Variants in PPP6R3 observed in about 807,000 individuals in gnomAD.
PPP6R3 encodes the protein protein phosphatase 6 regulatory subunit 3.
In PPP6R3, 38 loss-of-function variants were observed where a neutral mutation model predicts 110.7. The ratio of observed to expected loss-of-function variants is 0.34; its 90% CI spans 0.26 to 0.45. The LOEUF is 0.45. Ranked by LOEUF, PPP6R3 falls within the 20% of genes least tolerant of loss-of-function variation. PPP6R3 has a pLI of 1.00. For synonymous variants in PPP6R3, 369 were observed against 373.5 expected, an observed-to-expected ratio of 0.99 and a Z score of 0.14; for missense variants, 870 against 1,062.4, an observed-to-expected ratio of 0.82 and a Z score of 2.52.
intron 6 of PPP6R3, 72 bp from the exon 7 acceptor site, chr11:68,554,073 C>A: frequency 8.6e-7 from 1 of 1,159,062 alleles, no homozygotes; most frequent in East Asian, 2.6e-5. Flanking sequence ...AAATAACTTT[C>A]CCTTTCATTT....
intron 22 of PPP6R3, among the ~76,000 whole-genome samples, chr11:68,606,316 CTTCTTCT>C (rs1028582202): frequency 1.6e-4 from 25 of 151,844 alleles, no homozygotes; most frequent in East Asian, 1.4e-3. Context: ...CTCCTTCTTT[CTTCTTCT>C]TTCTTCTTTC....
Position 68,461,013 on chromosome 11 carries a change from G to GC in PPP6R3, c.-158+188dup, listed in dbSNP as rs1205931750. On this transcript the variant is annotated intron_variant, in intron 1 of 23. Transcript: ENST00000393800. ...GAGGCGCGGCGCCGAGTCCTTCCCG[G>GC]CCGCTCCCCGTCCGCTCCTGTTAGC... Among the ~76,000 whole-genome samples the GC allele has an allele frequency of 4.6e-5, 7 of 151,884 alleles. No individual in the cohort carries two copies. The East Asian group carries it at 1.2e-3, about 25-fold the overall frequency.
intron 20 of PPP6R3, among the ~76,000 whole-genome samples, chr11:68,601,140 A>T (rs1484431442): frequency 1.3e-5 from 2 of 152,196 alleles, no homozygotes; most frequent in African/African-American, 2.4e-5. Flanking sequence ...GATTTGTGAA[A>T]AATGTCTCCA....
chr11:68,525,959 A>G lies in PPP6R3; in HGVS notation c.-7+6308A>G, dbSNP rs74715141. On this transcript the variant is annotated intron_variant, in intron 2 of 23. Coordinates refer to ENST00000393800, the MANE Select transcript of PPP6R3 (RefSeq NM_001164161.2). ...CAAGCTTTGCCTTCACCACGTTAGT[A>G]TAGAATTCCCTTTCTAGCCAAGCAG... 4.2e-3 allele frequency among the ~76,000 whole-genome samples: 647 copies of G among 152,354 alleles called. 2 individuals are homozygous for G. The highest frequency in any genetic ancestry group is 7.4e-3 in the Non-Finnish European group (500 of 68,026).
chr11:68,581,169 A>G (rs1372357787), intron 14 of PPP6R3, among the ~76,000 whole-genome samples: 1 of 152,184 alleles, frequency 6.6e-6, no homozygotes, highest in African/African-American at 2.4e-5. Flanking sequence ...AATTATGAAG[A>G]TGTGTGTGCA....
chr11:68,603,432 G>A lies in PPP6R3; in HGVS notation c.2390G>A (p.Gly797Asp). 1 of 1,614,134 alleles carries A rather than the reference G, an allele frequency of 6.2e-7. No homozygotes were observed. The highest frequency in any genetic ancestry group is 1.6e-4 in the Middle Eastern group (1 of 6,062). The change falls in exon 22 of 24, where the codon GGC (glycine) becomes GAC (aspartate). Residue 797 changes from glycine to aspartate, a missense_variant. By Grantham distance (94) the Gly-to-Asp change is moderately conservative. Transcript: ENST00000393800. ...GTAACTGAGACAGTGATGAATGGCG[G>A]CATGAAGGAAACGCTCAGCCTCACT... Reference protein sequence around the residue: ...DKVTETVMNGGMKETLSLTVD... With the variant: ...DKVTETVMNGDMKETLSLTVD...
At chr11:68,502,731 T>C (rs555496245) in intron 1 of PPP6R3, among the ~76,000 whole-genome samples, 3 of 152,130 alleles carry the variant, frequency 2.0e-5, no homozygotes, top group African/African-American at 7.2e-5. Context: ...TGCCTTTTAC[T>C]GAGATGGGGA....
In PPP6R3 at chr11:68,573,144, ATATATATATAAT is replaced by A. The variant is rs1565935108; in HGVS notation, c.1344-963_1344-952del. Among the ~76,000 whole-genome samples, 295 of 91,844 alleles carry A rather than the reference ATATATATATAAT, an allele frequency of 3.2e-3. 3 individuals carry two copies. Among genetic ancestry groups the A allele is most frequent in the Middle Eastern group, 0.023 (4 of 172 alleles). The allele number at this position is 91,844 out of a possible 152,430, so 60.3% of individuals were successfully genotyped here. On this transcript the variant is annotated intron_variant, in intron 12 of 23. Coordinates refer to ENST00000393800, the MANE Select transcript of PPP6R3 (RefSeq NM_001164161.2). Reference sequence around the variant, plus strand: ...TATATATATATATATATATATATATATATATATATAATTTTTTTTTTTTTGAGACGGAGTCTT... The same window carrying A: ...TATATATATATATATATATATATATATTTTTTTTTTTTGAGACGGAGTCTT...
At chr11:68,595,618 G>T (rs2099611595) in intron 18 of PPP6R3, among the ~76,000 whole-genome samples, 1 of 152,152 alleles carries the variant, frequency 6.6e-6, no homozygotes, top group Non-Finnish European at 1.5e-5. Context: ...TGCACTGGGA[G>T]AAAACATTTG....
At chr11:68,612,854 C>A in intron 23 of PPP6R3, 1 of 940,446 alleles carries the variant, frequency 1.1e-6, no homozygotes, top group Non-Finnish European at 1.5e-6. Flanking sequence ...TTGCTGAATG[C>A]CTGCTCACCC....
rs78114902 is a variant in PPP6R3, at chr11:68,523,195, T to C, written c.-7+3544T>C. Among the ~76,000 whole-genome samples the C allele has an allele frequency of 4.8e-3, 735 of 152,338 alleles. 14 individuals carry two copies. The East Asian group carries it at 0.06, about 12-fold the overall frequency. On this transcript the variant is annotated intron_variant, in intron 2 of 23. Transcript: ENST00000393800. Reference sequence around the variant, plus strand: ...AAAATTTGCAAAATTCTCTTCAGTGTGGTCAGATACATCTGGCAGTCAGCT... The same window carrying C: ...AAAATTTGCAAAATTCTCTTCAGTGCGGTCAGATACATCTGGCAGTCAGCT...
At chr11:68,579,129 GGA>G (rs1442069555) in intron 14 of PPP6R3, among the ~76,000 whole-genome samples, 4 of 152,204 alleles carry the variant, frequency 2.6e-5, no homozygotes, top group African/African-American at 9.7e-5. Context: ...TTAATCACCA[GGA>G]GTTTCCGCAG....
intron 1 of PPP6R3, among the ~76,000 whole-genome samples, chr11:68,498,694 A>G (rs1032469698): frequency 1.3e-5 from 2 of 152,214 alleles, no homozygotes; most frequent in African/African-American, 2.4e-5. Flanking sequence ...TTGCTTCACA[A>G]AATTTTGTCA....
intron 12 of PPP6R3, 41 bp downstream of exon 12, chr11:68,571,145 G>T: frequency 1.3e-6 from 2 of 1,572,572 alleles, no homozygotes; most frequent in Non-Finnish European, 8.6e-7. Context: ...AGTTTGGTTG[G>T]TAATATGAGG....
intron 1 of PPP6R3, among the ~76,000 whole-genome samples, chr11:68,509,182 G>A (rs956006978): frequency 2.6e-5 from 4 of 152,190 alleles, no homozygotes; most frequent in Non-Finnish European, 5.9e-5. Context: ...GAATTCCCCC[G>A]TTTTCACCTT....
chr11:68,512,825 A>C (rs2099117230), intron 1 of PPP6R3, among the ~76,000 whole-genome samples: 1 of 152,214 alleles, frequency 6.6e-6, no homozygotes, highest in Non-Finnish European at 1.5e-5. Flanking sequence ...GTCTGCCCTT[A>C]CAAACCTTTT....
chr11:68,590,810 C>G, intron 17 of PPP6R3, 96 bp downstream of exon 17: 2 of 1,338,216 alleles, frequency 1.5e-6, no homozygotes, highest in Non-Finnish European at 9.9e-7. Flanking sequence ...CCCCTGTGCT[C>G]TAGAGCCCTA....
intron 8 of PPP6R3, among the ~76,000 whole-genome samples, chr11:68,563,291 A>C (rs556003557): frequency 2.0e-5 from 3 of 152,298 alleles, no homozygotes; most frequent in African/African-American, 7.2e-5. Flanking sequence ...TTTCAGAGAT[A>C]CTAAGGCATT....
chr11:68,608,351 G>A (rs1044637374), intron 22 of PPP6R3, among the ~76,000 whole-genome samples: 4 of 152,172 alleles, frequency 2.6e-5, no homozygotes, highest in African/African-American at 7.2e-5. Context: ...AATTATAAAC[G>A]ATAACAATAT....
Sources: gnomAD v4.1 joint callset for allele counts (sites outside exome capture counted in the v4.1 genomes callset) on GRCh38, gnomAD v4.1.1 for gene constraint, MANE v1.5 for transcripts, NCBI Gene and HGNC (gene_info 2026-07-23, HGNC 2026-07-21) for gene names.